Variants in UBQLN1 observed in about 807,000 individuals in gnomAD.
UBQLN1 encodes the protein ubiquilin-1.
A neutral mutation model predicts 65.4 loss-of-function variants in UBQLN1; 13 were observed. That is an observed-to-expected ratio of 0.20 (90% CI 0.13 to 0.32). The LOEUF is 0.32. Among genes scored for constraint, UBQLN1 ranks in the 10% least tolerant of loss-of-function variants. The pLI is 1.00. For missense variants in UBQLN1, 561 were observed against 724.0 expected (o/e 0.77, Z 2.58); for synonymous variants, 267 against 247.8 (o/e 1.08, Z -0.73).
At chr9:83,677,372 G>C (rs1831851433) in intron 6 of UBQLN1, among the ~76,000 whole-genome samples, 2 of 152,208 alleles carry the variant, frequency 1.3e-5, no homozygotes. Flanking sequence ...AGACCAGCCT[G>C]ACCAAGATGG....
At chr9:83,682,655 C>T (rs1831962321) in intron 3 of UBQLN1, among the ~76,000 whole-genome samples, 1 of 152,112 alleles carries the variant, frequency 6.6e-6, no homozygotes, top group African/African-American at 2.4e-5. Context: ...GGGACGCTGG[C>T]TTACGATTAA....
At position 83,663,882 on chromosome 9, in the gene UBQLN1, T is replaced by C. The variant is rs146291236; in HGVS notation, c.1610A>G (p.Asn537Ser). The change falls in exon 10 of 11, where the codon AAT becomes AGT. Residue 537 changes from asparagine to serine, a missense_variant. By Grantham distance (46) the Asn-to-Ser change is conservative. Coordinates refer to ENST00000376395, the MANE Select transcript of UBQLN1 (RefSeq NM_013438.5). ...QQMLQALAGVNPQLQNPEVRF... is the reference protein window; with the variant it reads ...QQMLQALAGVSPQLQNPEVRF... The stretch of plus-strand genomic sequence containing the variant: ...ATGGAAAAGAACTGATACCTGAGGA[T>C]TTACTCCAGCAAGAGCCTGCAGCAT... The C allele has an allele frequency of 6.2e-7, 1 of 1,613,364 alleles. No individual in the cohort carries two copies. The highest frequency in any genetic ancestry group is 1.3e-5 in the African/African-American group (1 of 74,904).
At position 83,683,144 on chromosome 9, in the gene UBQLN1, G is replaced by A; in HGVS notation, c.333-78C>T. The A allele has an allele frequency of 9.1e-6, 9 of 990,948 alleles. No homozygotes were observed. In the South Asian group the frequency reaches 1.3e-4, roughly 14 times the overall value. 61.4% of individuals were successfully genotyped at this position (990,948 alleles called of 1,614,324 possible). On this transcript the variant is annotated intron_variant, in intron 2 of 10. Coordinates refer to ENST00000376395, the MANE Select transcript of UBQLN1 (RefSeq NM_013438.5). ...AGAACCACCAAAGGCCAGGCACAGT[G>A]GCTCACGCCTGTAATCCCAGCACTT...
intron 7 of UBQLN1, 78 bp downstream of exon 7, chr9:83,669,107 G>A (rs1180300893): frequency 1.3e-6 from 2 of 1,516,378 alleles, no homozygotes; most frequent in Non-Finnish European, 1.8e-6. Context: ...CAACACAAAT[G>A]TGCCAAAATC....
chr9:83,693,324 A>G (rs1246546086), intron 1 of UBQLN1, among the ~76,000 whole-genome samples: 1 of 152,200 alleles, frequency 6.6e-6, no homozygotes. Flanking sequence ...TTGAGCACCA[A>G]AATTGTTTTC....
At chr9:83,666,699 T>C (rs1027483104) in intron 7 of UBQLN1, 1 of 327,518 alleles carries the variant, frequency 3.1e-6, no homozygotes, top group Non-Finnish European at 5.7e-6. Flanking sequence ...AAAGCAATCA[T>C]TTTCTTAGGC....
chr9:83,677,911 T>C lies in UBQLN1; in HGVS notation c.921A>G (p.Glu307=). 6.2e-7 allele frequency: 1 copy of C among 1,614,172 alleles called. No homozygotes were observed. The highest frequency in any genetic ancestry group is 1.1e-5 in the South Asian group (1 of 91,088). ...ASLVSNTSSG[E]GSQPSRTENR... is the part of the protein sequence containing the mutation. ...TTTCTGTACGGGAAGGTTGACTACC[T>C]TCACCAGAGGATGTATTGCTCACCA... Residue 307 remains glutamate (E), a synonymous_variant, in exon 6 of 11, where the codon GAA becomes GAG. Coordinates refer to ENST00000376395, the MANE Select transcript of UBQLN1 (RefSeq NM_013438.5).
chr9:83,689,755 A>T (rs779685859), intron 1 of UBQLN1, among the ~76,000 whole-genome samples: 4 of 152,238 alleles, frequency 2.6e-5, no homozygotes, highest in Admixed American at 6.5e-5. Context: ...TAAAAAGATA[A>T]GCCCTTAAAG....
intron 5 of UBQLN1, 116 bp from the exon 6 acceptor site, chr9:83,678,077 A>G (rs576846779): frequency 5.1e-6 from 4 of 788,170 alleles, no homozygotes; most frequent in Non-Finnish European, 7.7e-6. Context: ...GCTGGAGTGC[A>G]GTGGCGCGAT....
chr9:83,706,922 G>A (rs537555139), intron 1 of UBQLN1, among the ~76,000 whole-genome samples: 1 of 152,070 alleles, frequency 6.6e-6, no homozygotes, highest in East Asian at 1.9e-4. Context: ...ACTTAAGATG[G>A]AGCTAAAAAC....
At position 83,678,619 on chromosome 9, in the gene UBQLN1, A is replaced by G. The variant is rs563172511; in HGVS notation, c.712-20T>C. 4.3e-4 allele frequency: 684 copies of G among 1,584,400 alleles called. 2 individuals carry two copies. The South Asian group carries it at 7.7e-3, about 18-fold the overall frequency. ...CAACGTCTACGAAAAATATTTCCAA[A>G]AAAAGAAAAAAAAAAGGCATTGAAA... is the stretch of plus-strand genomic sequence containing the variant. On this transcript the variant is annotated intron_variant, in intron 4 of 10. Transcript: ENST00000376395.
chr9:83,662,120 A>G (rs939858196), intron 10 of UBQLN1, among the ~76,000 whole-genome samples, 181 bp from the exon 11 acceptor site: 2 of 152,206 alleles, frequency 1.3e-5, no homozygotes, highest in South Asian at 2.1e-4. Context: ...TTTATTTTAA[A>G]TAGTCTAGTT....
rs772236416 is a variant in UBQLN1 at position 83,661,738 on chromosome 9, G to C, written c.*49C>G. 1 of 1,552,124 alleles carries C rather than the reference G, an allele frequency of 6.4e-7. No individual in the cohort carries two copies. The highest frequency in any genetic ancestry group is 2.3e-5 in the East Asian group (1 of 44,280). ...ATAAAGCAGGTATTTTAAAGTTTAA[G>C]AGCCGTTATCAAAAATAAATTACAT... On this transcript the variant is annotated 3_prime_UTR_variant, in exon 11 of 11. Coordinates refer to ENST00000376395, the MANE Select transcript of UBQLN1 (RefSeq NM_013438.5).
At chr9:83,672,850 T>A (rs1831756669) in intron 6 of UBQLN1, among the ~76,000 whole-genome samples, 2 of 152,202 alleles carry the variant, frequency 1.3e-5, no homozygotes, top group Non-Finnish European at 2.9e-5. Context: ...GGTATATCTG[T>A]ATTCTAAGAT....
chr9:83,677,061 G>A (rs1373381689), intron 6 of UBQLN1, among the ~76,000 whole-genome samples: 1 of 152,130 alleles, frequency 6.6e-6, no homozygotes, highest in African/African-American at 2.4e-5. Context: ...GGTAAGATCT[G>A]GGAATCTGAT....
In UBQLN1 at chr9:83,702,822, T is replaced by C. The variant is rs141259181; in HGVS notation, c.180+4678A>G. On this transcript the variant is annotated intron_variant, in intron 1 of 10. Transcript: ENST00000376395. ...TGTGTGATGATGACCCTAAGGCAAG[T>C]TGCCTTATCAAAGAAAGGCTCAATT... Among the ~76,000 whole-genome samples the C allele has an allele frequency of 1.2e-4, 18 of 152,334 alleles. No homozygotes were observed. The East Asian group carries it at 3.3e-3, about 28-fold the overall frequency.
rs1831835450 is a variant in UBQLN1 at position 83,676,535 on chromosome 9, A to AT, written c.1105+1191dup. Among the ~76,000 whole-genome samples, 3 of 152,214 alleles carry AT rather than the reference A, an allele frequency of 2.0e-5. No homozygotes were observed. In the South Asian group the frequency reaches 6.2e-4, roughly 32 times the overall value. On this transcript the variant is annotated intron_variant, in intron 6 of 10. Transcript: ENST00000376395. ...AGGATTAAGTAGAATATAGAACAGA[A>AT]TATTTTTATTGATTTAAAAATGGTA...
rs776554709 is a variant in UBQLN1 at position 83,677,747 on chromosome 9, T to C, written c.1085A>G (p.Asn362Ser). The part of the protein sequence containing the change: ...GTSGQSTTAP[N>S]LVPGVGASMF... ...CATACCTCCTACTCCAGGCACCAAATTTGGCGCAGTAGTACTCTGCCCAGA... is the reference window on the plus strand; with the variant it reads ...CATACCTCCTACTCCAGGCACCAAACTTGGCGCAGTAGTACTCTGCCCAGA... The change falls in exon 6 of 11, where the codon AAT (asparagine) becomes AGT (serine). Residue 362 changes from asparagine (N) to serine (S), a missense_variant. By Grantham distance (46) the Asn-to-Ser change is conservative. Around this residue, in one of 8 missense-constraint regions of UBQLN1, gnomAD observed 89 missense variants for 77.8 expected, o/e 1.14. Coordinates refer to ENST00000376395, the MANE Select transcript of UBQLN1 (RefSeq NM_013438.5). The C allele has an allele frequency of 1.2e-6, 2 of 1,612,362 alleles. No homozygotes were observed. Among genetic ancestry groups the C allele is most frequent in the African/African-American group, 2.7e-5 (2 of 74,870 alleles).
At chr9:83,682,677 T>C (rs1831962931) in intron 3 of UBQLN1, among the ~76,000 whole-genome samples, 1 of 152,166 alleles carries the variant, frequency 6.6e-6, no homozygotes, top group Non-Finnish European at 1.5e-5. Context: ...AACCAGCTAA[T>C]CTTACTCATA....
Sources: gnomAD v4.1 joint callset for allele counts (sites outside exome capture counted in the v4.1 genomes callset) on GRCh38, gnomAD v4.1.1 for gene constraint, gnomAD v4.1.1 regional missense constraint, MANE v1.5 for transcripts, NCBI Gene and HGNC (gene_info 2026-07-23, HGNC 2026-07-21) for gene names.